The following ARAP2 variants were observed in gnomAD, a reference collection of about 807,000 sequenced individuals.
ARAP2 encodes the protein ArfGAP with RhoGAP domain, ankyrin repeat and PH domain 2, also known as arf-GAP with Rho-GAP domain, ANK repeat and PH domain-containing protein 2.
A neutral mutation model predicts 194.5 loss-of-function variants in ARAP2; 148 were observed. The ratio of observed to expected loss-of-function variants is 0.76; its 90% CI spans 0.67 to 0.87. ARAP2 has a LOEUF of 0.87. Among genes scored for constraint, ARAP2 ranks in the 40% least tolerant of loss-of-function variants. ARAP2 has a pLI of 0.00. For synonymous variants in ARAP2, 695 were observed against 683.5 expected (o/e 1.02, Z -0.26); for missense variants, 2,128 against 1,989.7 (o/e 1.07, Z -1.32).
chr4:36,213,863 T>C (rs1266422431), intron 3 of ARAP2, among the ~76,000 whole-genome samples: 1 of 152,116 alleles, frequency 6.6e-6, no homozygotes, highest in Non-Finnish European at 1.5e-5. Flanking sequence ...TCCACCATCC[T>C]TGAATTATAC....
At chr4:36,042,797 A>T (rs1296844135) in intron 5 of ARAP2, among the ~76,000 whole-genome samples, 2 of 150,584 alleles carry the variant, frequency 1.3e-5, no homozygotes, top group Admixed American at 1.3e-4. Context: ...TCACTTACTC[A>T]CTTATTCATC....
In ARAP2 at chr4:36,009,887, G is replaced by GT. The variant is rs1714119190; in HGVS notation, n.1325+2675_1325+2676insA. On this transcript the variant is annotated intron_variant and non_coding_transcript_variant, in intron 9 of 12. Transcript: ENST00000503225. The stretch of plus-strand genomic sequence containing the variant: ...GAAGCTCCTTGTTTTTTTTGGCGGG[G>GT]GGTAGGGGGGTGGAATCATCAGTGG... Among the ~76,000 whole-genome samples, 3 of 140,378 alleles carry GT rather than the reference G, an allele frequency of 2.1e-5. No individual in the cohort carries two copies. The South Asian group carries it at 7.2e-4, about 34-fold the overall frequency. 92.1% of individuals were successfully genotyped at this position (140,378 alleles called of 152,430 possible).
intron 8 of ARAP2, among the ~76,000 whole-genome samples, chr4:36,182,475 G>A (rs1263345307): frequency 6.7e-6 from 1 of 149,422 alleles, no homozygotes; most frequent in Admixed American, 6.8e-5. Flanking sequence ...CAGCCTGTGT[G>A]ACAGAGCGAG....
intron 19 of ARAP2, among the ~76,000 whole-genome samples, chr4:36,136,580 A>G (rs985765963): frequency 1.3e-5 from 2 of 151,888 alleles, no homozygotes; most frequent in African/African-American, 4.8e-5. Flanking sequence ...AAAAATAAAT[A>G]TGCTCATATA....
rs932593993 is a variant in ARAP2, at chr4:36,241,126, T to C, written c.-160+3053A>G. On this transcript the variant is annotated intron_variant, in intron 1 of 32. Coordinates refer to ENST00000303965, the MANE Select transcript of ARAP2 (RefSeq NM_015230.4). ...TGGGATATCAGAGAATAATTTATTC[T>C]TCTAGAGTTTCTACAAAAGCAGAAT... Among the ~76,000 whole-genome samples, 3 of 152,210 alleles carry C rather than the reference T, an allele frequency of 2.0e-5. No individual in the cohort carries two copies. The East Asian group carries it at 5.8e-4, about 29-fold the overall frequency.
intron 22 of ARAP2, among the ~76,000 whole-genome samples, chr4:36,122,189 C>T (rs563024690): frequency 1.3e-5 from 2 of 151,762 alleles, no homozygotes; most frequent in East Asian, 3.9e-4. Flanking sequence ...TTAGTTCAAC[C>T]ACTGTAGAAG....
At chr4:36,159,080 G>C (rs115835601) in intron 14 of ARAP2, among the ~76,000 whole-genome samples, 1 of 152,258 alleles carries the variant, frequency 6.6e-6, no homozygotes, top group African/African-American at 2.4e-5. Flanking sequence ...TTTAATGTTG[G>C]TGGAAATGAT....
At chr4:36,198,556 C>A (rs185304414) in intron 6 of ARAP2, among the ~76,000 whole-genome samples, 72 of 152,340 alleles carry the variant, frequency 4.7e-4, no homozygotes, top group African/African-American at 1.6e-3. Flanking sequence ...GACCTCAGCG[C>A]TTCCTTGGCT....
At chr4:36,043,475 C>T (rs771881539) in intron 5 of ARAP2, among the ~76,000 whole-genome samples, 68 of 152,184 alleles carry the variant, frequency 4.5e-4, no homozygotes, top group Admixed American at 1.6e-3. Context: ...AGTTAGCCAA[C>T]GGTGTTTGGA....
At chr4:36,163,463 T>C (rs138641077) in intron 11 of ARAP2, among the ~76,000 whole-genome samples, 253 of 152,192 alleles carry the variant, frequency 1.7e-3, no homozygotes, top group Middle Eastern at 3.4e-3. Context: ...AGAGAAAAGG[T>C]AGCTCATCAG....
intron 22 of ARAP2, among the ~76,000 whole-genome samples, chr4:36,123,055 C>T (rs143938625): frequency 1.3e-4 from 19 of 151,878 alleles, no homozygotes; most frequent in African/African-American, 2.9e-4. Flanking sequence ...AATCATCACA[C>T]GTGATTTACA....
rs1237211698 is a variant in ARAP2 at position 36,224,711 on chromosome 4, TTTAA to T, written c.905+3867_905+3870del. On this transcript the variant is annotated intron_variant, in intron 2 of 32. Coordinates refer to ENST00000303965, the MANE Select transcript of ARAP2 (RefSeq NM_015230.4). ...AATCTAACTTCTATTTAAATTTAGATTTAATTATTTATGTATTCAATTCAAAATT... is the reference window on the plus strand; with the variant it reads ...AATCTAACTTCTATTTAAATTTAGATTTATTTATGTATTCAATTCAAAATT... Among the ~76,000 whole-genome samples the T allele has an allele frequency of 7.2e-5, 11 of 152,294 alleles. No individual in the cohort carries two copies. In the South Asian group the frequency reaches 2.1e-3, roughly 29 times the overall value.
At chr4:36,078,187 G>A (rs1204205177) in intron 31 of ARAP2, among the ~76,000 whole-genome samples, 1 of 152,058 alleles carries the variant, frequency 6.6e-6, no homozygotes, top group Non-Finnish European at 1.5e-5. Context: ...TCTTTTCATG[G>A]AGTTTACATT....
chr4:36,148,562 A>G (rs1730193532), intron 16 of ARAP2, 55 bp from the exon 17 acceptor site: 4 of 1,252,914 alleles, frequency 3.2e-6, no homozygotes, highest in Non-Finnish European at 4.6e-6. Flanking sequence ...TCTTAAGAAA[A>G]TGAATAACAC....
At chr4:36,044,835 C>A (rs73225563) in intron 5 of ARAP2, among the ~76,000 whole-genome samples, 11,147 of 151,636 alleles carry the variant, frequency 0.074, 559 homozygotes, top group Middle Eastern at 0.19. Context: ...TTAACAAACT[C>A]AAACTACTCA....
intron 8 of ARAP2, among the ~76,000 whole-genome samples, chr4:36,186,757 A>T (rs954692594): frequency 4.6e-5 from 7 of 152,222 alleles, no homozygotes; most frequent in African/African-American, 1.7e-4. Flanking sequence ...GCATGCAAGG[A>T]ATTTAGGTTG....
chr4:36,139,527 C>T (rs1252024061), intron 19 of ARAP2, among the ~76,000 whole-genome samples: 1 of 151,566 alleles, frequency 6.6e-6, no homozygotes, highest in Non-Finnish European at 1.5e-5. Context: ...TCCGTTTATT[C>T]ATTCTTTCTA....
intron 20 of ARAP2, 42 bp downstream of exon 20, chr4:36,133,184 C>A (rs1174806143): frequency 6.3e-7 from 1 of 1,589,438 alleles, no homozygotes; most frequent in Non-Finnish European, 8.6e-7. Flanking sequence ...AAGAACGATA[C>A]AATCAGTTCT....
In ARAP2 at chr4:36,212,421, T is replaced by C. The variant is rs1490501834; in HGVS notation, c.1108A>G (p.Thr370Ala). 2.5e-6 allele frequency: 4 copies of C among 1,612,136 alleles called. No individual in the cohort carries two copies. Among genetic ancestry groups the C allele is most frequent in the Non-Finnish European group, 3.4e-6 (4 of 1,178,728 alleles). ...CTTGATTTGATGATAAAAGAGTTTG[T>C]TGCAGTAGCTGCTTCCCCTTTGAGT... ...EALKGEAATA[T>A]NSFIIKSSIY... The change falls in exon 5 of 33, where the codon ACA becomes GCA. Residue 370 changes from threonine (T) to alanine (A), a missense_variant. By Grantham distance (58) the Thr-to-Ala change is moderately conservative. Transcript: ENST00000303965.
Sources: gnomAD v4.1 joint callset for allele counts (sites outside exome capture counted in the v4.1 genomes callset) on GRCh38, gnomAD v4.1.1 for gene constraint, MANE v1.5 for transcripts, NCBI Gene and HGNC (gene_info 2026-07-23, HGNC 2026-07-21) for gene names.